The following DOCK1 variants were observed in gnomAD, a reference collection of about 807,000 sequenced individuals.
DOCK1 encodes the protein dedicator of cytokinesis protein 1.
A neutral mutation model predicts 262.7 loss-of-function variants in DOCK1; 138 were observed. The observed-to-expected ratio is 0.53, with a 90% CI of 0.46 to 0.61. The LOEUF (loss-of-function observed/expected upper bound fraction) is 0.61. Among genes scored for constraint, DOCK1 ranks in the 20% least tolerant of loss-of-function variants. The probability of loss-of-function intolerance (pLI) is 0.00; values close to 1 mark genes in which losing one functional copy is unlikely to be tolerated. For missense variants in DOCK1, 1,908 were observed against 2,370.7 expected (o/e 0.80, Z 4.05); for synonymous variants, 866 against 867.4 (o/e 1.00, Z 0.03).
intron 27 of DOCK1, among the ~76,000 whole-genome samples, chr10:127,201,057 G>A (rs990207802): frequency 6.6e-6 from 1 of 152,246 alleles, no homozygotes; most frequent in Admixed American, 6.5e-5. Flanking sequence ...CGAGGGAAAA[G>A]TAACTCATAT....
chr10:127,442,064 G>A (rs2070197527), intron 49 of DOCK1, among the ~76,000 whole-genome samples: 1 of 152,104 alleles, frequency 6.6e-6, no homozygotes, highest in African/African-American at 2.4e-5. Context: ...TTGCTGCCTG[G>A]AACAAGGCCA....
rs955675083 is a variant in DOCK1, at chr10:127,279,100, CA to C, written c.3044+21672del. ...AATTTTCCAGTGTAGCGTTTCCTAT[CA>C]GGGGGTGTGAATCCACACACGTGGC... On this transcript the variant is annotated intron_variant, in intron 29 of 51. Coordinates refer to ENST00000623213, the MANE Select transcript of DOCK1 (RefSeq NM_001290223.2). Among the ~76,000 whole-genome samples the C allele has an allele frequency of 2.1e-4, 32 of 152,358 alleles. 1 individual carries two copies. Among genetic ancestry groups the C allele is most frequent in the South Asian group, 1.7e-3 (8 of 4,834 alleles).
At chr10:127,124,381 G>C (rs1416146875) in intron 25 of DOCK1, among the ~76,000 whole-genome samples, 1 of 152,170 alleles carries the variant, frequency 6.6e-6, no homozygotes, top group African/African-American at 2.4e-5. Context: ...AGAATGGCTG[G>C]GCTAGTGTCA....
At chr10:127,260,653 C>CTG (rs556637298) in intron 29 of DOCK1, among the ~76,000 whole-genome samples, 1 of 133,626 alleles carries the variant, frequency 7.5e-6, no homozygotes, top group Non-Finnish European at 1.6e-5. Context: ...CCGTGCTCAT[C>CTG]TGTGTGTGTC....
intron 38 of DOCK1, 139 bp downstream of exon 38, chr10:127,385,048 G>T (rs1022895255): frequency 4.7e-5 from 52 of 1,115,626 alleles, no homozygotes; most frequent in Non-Finnish European, 1.2e-5. Context: ...TTTTATGCAT[G>T]TTCCTTCAGC....
chr10:126,957,815 A>G (rs1356024864), intron 1 of DOCK1, among the ~76,000 whole-genome samples: 2 of 152,192 alleles, frequency 1.3e-5, no homozygotes, highest in African/African-American at 4.8e-5. Flanking sequence ...CCTGGAAACA[A>G]ATAACTCAAA....
intron 1 of DOCK1, among the ~76,000 whole-genome samples, chr10:126,910,726 C>A (rs2134010228): frequency 6.6e-6 from 1 of 152,238 alleles, no homozygotes; most frequent in African/African-American, 2.4e-5. Context: ...ACCACGCCTA[C>A]CTCCCTCCAC....
intron 10 of DOCK1, among the ~76,000 whole-genome samples, chr10:127,001,189 G>T (rs188305586): frequency 9.9e-5 from 15 of 152,272 alleles, no homozygotes; most frequent in African/African-American, 3.4e-4. Context: ...TGAGGGAAAA[G>T]TTCCTGATTC....
At chr10:126,980,246 C>T (rs181416955) in intron 3 of DOCK1, among the ~76,000 whole-genome samples, 14 of 152,114 alleles carry the variant, frequency 9.2e-5, no homozygotes, top group African/African-American at 2.7e-4. Context: ...AGACTGAGTG[C>T]GGTGGCACGA....
chr10:126,969,429 C>A (rs1214425428), intron 1 of DOCK1, among the ~76,000 whole-genome samples: 2 of 152,204 alleles, frequency 1.3e-5, no homozygotes, highest in Non-Finnish European at 2.9e-5. Flanking sequence ...CGGCTAAGCA[C>A]CTTCCTGTCC....
chr10:127,234,904 T>C (rs1291201579), intron 27 of DOCK1, among the ~76,000 whole-genome samples: 1 of 148,640 alleles, frequency 6.7e-6, no homozygotes, highest in Non-Finnish European at 1.5e-5. Flanking sequence ...TATTTTAAAA[T>C]ATATAAAATA....
At chr10:127,016,057 T>C (rs9418695) in intron 12 of DOCK1, 27,371 of 152,246 alleles carry the variant, frequency 0.18, 2,542 homozygotes, top group South Asian at 0.25. Flanking sequence ...TGCAGTGTGC[T>C]CAGGACTTCT....
intron 6 of DOCK1, among the ~76,000 whole-genome samples, chr10:126,992,026 A>C (rs2039826918): frequency 6.6e-6 from 1 of 152,198 alleles, no homozygotes; most frequent in African/African-American, 2.4e-5. Context: ...ATTATCACAT[A>C]ATTTTCTGGT....
chr10:127,057,384 A>G (rs1001724616), intron 22 of DOCK1, among the ~76,000 whole-genome samples: 1 of 152,248 alleles, frequency 6.6e-6, no homozygotes, highest in Non-Finnish European at 1.5e-5. Context: ...AAATTCCAGT[A>G]TAATTGACAG....
chr10:126,976,873 A>G (rs563879853), intron 2 of DOCK1, among the ~76,000 whole-genome samples: 66 of 152,178 alleles, frequency 4.3e-4, no homozygotes, highest in African/African-American at 1.5e-3. Context: ...AGCTGTGATC[A>G]TAGGGGCTTA....
chr10:127,296,133 TCTGA>T (rs1250372084), intron 29 of DOCK1, among the ~76,000 whole-genome samples: 10 of 152,204 alleles, frequency 6.6e-5, no homozygotes, highest in Non-Finnish European at 1.5e-4. Context: ...ACTCAGAACT[TCTGA>T]CTGTTTTTAA....
Position 127,185,851 on chromosome 10 carries a change from A to G in DOCK1, c.2847+58087A>G, listed in dbSNP as rs370610727. Among the ~76,000 whole-genome samples the G allele has an allele frequency of 4.6e-5, 7 of 152,366 alleles. 1 individual carries two copies. Among genetic ancestry groups the G allele is most frequent in the East Asian group, 1.9e-4 (1 of 5,186 alleles). ...ACTCACAAAAATGAGTAGATGGCACAGAAATGGTACAGGTTCTATATTTAA... is the reference window on the plus strand; with the variant it reads ...ACTCACAAAAATGAGTAGATGGCACGGAAATGGTACAGGTTCTATATTTAA... On this transcript the variant is annotated intron_variant, in intron 27 of 51. Coordinates refer to ENST00000623213, the MANE Select transcript of DOCK1 (RefSeq NM_001290223.2).
At chr10:127,199,824 G>A (rs2057373802) in intron 27 of DOCK1, among the ~76,000 whole-genome samples, 1 of 152,142 alleles carries the variant, frequency 6.6e-6, no homozygotes, top group South Asian at 2.1e-4. Context: ...ATTTGTCTGA[G>A]CATCATCACT....
At chr10:126,987,726 C>A in intron 5 of DOCK1, 109 bp downstream of exon 5, 2 of 1,007,510 alleles carry the variant, frequency 2.0e-6, no homozygotes, top group Non-Finnish European at 2.9e-6. Context: ...AAAAGCAGAG[C>A]TTCCGAGACA....
Sources: allele counts gnomAD v4.1 joint callset (sites outside exome capture counted in the v4.1 genomes callset), GRCh38; gene constraint gnomAD v4.1.1; transcripts MANE v1.5; gene names NCBI Gene and HGNC (gene_info 2026-07-23, HGNC 2026-07-21).